POLA1: variants seen among roughly 807,000 people sequenced by gnomAD.
The protein encoded by POLA1 is DNA polymerase alpha catalytic subunit.
In POLA1, 15 loss-of-function variants were observed where a neutral mutation model predicts 124.0. That is an observed-to-expected ratio of 0.12 (90% CI 0.08 to 0.19). The LOEUF (loss-of-function observed/expected upper bound fraction) is 0.19, where lower values mean the gene tolerates loss of function less well. Ranked by LOEUF, POLA1 falls within the 10% of genes least tolerant of loss-of-function variation. POLA1 has a pLI of 1.00. For missense variants in POLA1, 886 were observed against 1,103.4 expected, an observed-to-expected ratio of 0.80 and a Z score of 2.79; for synonymous variants, 408 against 389.4, an observed-to-expected ratio of 1.05 and a Z score of -0.56.
intron 35 of POLA1, among the ~76,000 whole-genome samples, chrX:24,892,608 A>G (rs749273843): frequency 8.9e-6 from 1 of 111,913 alleles, no homozygotes; most frequent in Admixed American, 9.5e-5. Flanking sequence ...CCAAAAATAA[A>G]GCTTTCTGGT....
chrX:24,829,779 G>A (rs976175655), intron 32 of POLA1, among the ~76,000 whole-genome samples: 1 of 112,210 alleles, frequency 8.9e-6, no homozygotes, highest in African/African-American at 3.2e-5. Context: ...GGCAAAGTAA[G>A]AGAAGTGTTA....
chrX:24,717,595 G>A lies in POLA1; in HGVS notation c.924G>A (p.Pro308=), dbSNP rs748310287. 12 of 1,207,210 alleles carry A rather than the reference G, an allele frequency of 9.9e-6. No individual in the cohort carries two copies. Among genetic ancestry groups the A allele is most frequent in the Admixed American group, 2.2e-5 (1 of 45,590 alleles). ...ATTTCTGCAGAGGAAGTTTTCTCCC[G>A]GATGTCTCTTGTTGGGACATTGATC... ...GTVSYLGSFL[P]DVSCWDIDQE... is the part of the protein sequence containing the mutation. Residue 308 remains proline (P), a synonymous_variant, in exon 10 of 37, where the codon CCG becomes CCA. Coordinates refer to ENST00000379068, the MANE Select transcript of POLA1 (RefSeq NM_001330360.2).
chrX:24,973,129 G>A (rs2048323252), intron 36 of POLA1, among the ~76,000 whole-genome samples: 2 of 111,907 alleles, frequency 1.8e-5, no homozygotes, highest in South Asian at 7.5e-4. Context: ...GCCAAGGCTT[G>A]CAGATTGCCT....
intron 35 of POLA1, among the ~76,000 whole-genome samples, chrX:24,917,429 T>C (rs1463786332): frequency 8.9e-6 from 1 of 112,421 alleles, no homozygotes; most frequent in Non-Finnish European, 1.9e-5. Context: ...TAATACCCTT[T>C]CTTTTATTAC....
chrX:24,873,152 G>A (rs2046888272), intron 34 of POLA1, among the ~76,000 whole-genome samples: 1 of 111,593 alleles, frequency 9.0e-6, no homozygotes, highest in South Asian at 3.8e-4. Flanking sequence ...CCTACAGAGT[G>A]CTTTCACTGC....
Position 24,946,997 on chromosome X carries a change from G to A in POLA1, c.4261+16448G>A, listed in dbSNP as rs181361077. ...TCCCACCTTAATCTGTCTACTTTCTGACAATTACTAATAGAGTTGGGCTGT... is the reference window on the plus strand; with the variant it reads ...TCCCACCTTAATCTGTCTACTTTCTAACAATTACTAATAGAGTTGGGCTGT... On this transcript the variant is annotated intron_variant, in intron 36 of 36. Transcript: ENST00000379068. 1.6e-4 allele frequency among the ~76,000 whole-genome samples: 18 copies of A among 111,041 alleles called. No homozygotes were observed. The Admixed American group carries it at 1.7e-3, about 11-fold the overall frequency.
chrX:24,875,835 G>A (rs1191399250), intron 34 of POLA1, among the ~76,000 whole-genome samples: 2 of 111,496 alleles, frequency 1.8e-5, no homozygotes, highest in African/African-American at 3.3e-5. Flanking sequence ...TCGAGATCTC[G>A]GCAGTATAAC....
intron 36 of POLA1, among the ~76,000 whole-genome samples, chrX:24,984,774 C>T (rs2048462073): frequency 9.3e-6 from 1 of 107,513 alleles, no homozygotes; most frequent in Non-Finnish European, 1.9e-5. Context: ...ATTCTCCTGC[C>T]TCAGCCTCCC....
chrX:24,887,204 G>A (rs1165869307), intron 34 of POLA1, among the ~76,000 whole-genome samples: 1 of 112,296 alleles, frequency 8.9e-6, no homozygotes, highest in Non-Finnish European at 1.9e-5. Context: ...ACATAAGACT[G>A]ATTTAAGGTC....
intron 36 of POLA1, among the ~76,000 whole-genome samples, chrX:24,937,425 C>G (rs966437978): frequency 9.0e-6 from 1 of 110,966 alleles, no homozygotes; most frequent in Non-Finnish European, 1.9e-5. Flanking sequence ...TATATATTTT[C>G]TACATTATGT....
intron 1 of POLA1, among the ~76,000 whole-genome samples, chrX:24,695,077 T>A (rs1166754191): frequency 8.9e-6 from 1 of 111,858 alleles, no homozygotes; most frequent in African/African-American, 3.3e-5. Flanking sequence ...GGAAATCACT[T>A]TGGAGGATAC....
chrX:24,729,461 C>T (rs1017985580), intron 15 of POLA1, among the ~76,000 whole-genome samples: 4 of 111,795 alleles, frequency 3.6e-5, no homozygotes, highest in African/African-American at 6.5e-5. Context: ...CATTAGAAGT[C>T]GTAAAATGGT....
chrX:24,952,084 C>T (rs1263809847), intron 36 of POLA1, among the ~76,000 whole-genome samples: 2 of 111,638 alleles, frequency 1.8e-5, no homozygotes, highest in African/African-American at 6.5e-5. Context: ...TGGTTTGTAC[C>T]ATATAAAATT....
chrX:24,977,733 G>C (rs1261496622), intron 36 of POLA1, among the ~76,000 whole-genome samples: 1 of 111,971 alleles, frequency 8.9e-6, no homozygotes, highest in Non-Finnish European at 1.9e-5. Context: ...TCAATAACTT[G>C]AGATCTCTTC....
intron 35 of POLA1, among the ~76,000 whole-genome samples, chrX:24,897,648 T>C (rs2047225165): frequency 8.9e-6 from 1 of 112,175 alleles, no homozygotes; most frequent in Admixed American, 9.4e-5. Context: ...TCTTGGCCCC[T>C]CTACCTAGAC....
chrX:24,803,877 C>G (rs1390042995), intron 26 of POLA1, among the ~76,000 whole-genome samples: 2 of 85,203 alleles, frequency 2.3e-5, no homozygotes, highest in East Asian at 4.3e-4. Context: ...TCCCAAATCA[C>G]TTAGCTGGTA....
At chrX:24,885,562 T>G (rs2047053351) in intron 34 of POLA1, among the ~76,000 whole-genome samples, 1 of 109,849 alleles carries the variant, frequency 9.1e-6, no homozygotes, top group Non-Finnish European at 1.9e-5. Context: ...TGAGATGGAG[T>G]CTTGTTGTGT....
chrX:24,836,593 T>C (rs1035801398), intron 32 of POLA1, among the ~76,000 whole-genome samples: 6 of 112,157 alleles, frequency 5.3e-5, no homozygotes, highest in African/African-American at 1.9e-4. Flanking sequence ...TGATGACTAA[T>C]GAAGTTGAAC....
At position 24,949,765 on chromosome X, in the gene POLA1, C is replaced by T. The variant is rs370960835; in HGVS notation, c.4261+19216C>T. 1.4e-4 allele frequency among the ~76,000 whole-genome samples: 14 copies of T among 101,855 alleles called. No individual in the cohort carries two copies. In the South Asian group the frequency reaches 2.8e-3, roughly 20 times the overall value. The allele number at this position is 101,855 out of a possible 115,157, so 88.4% of individuals were successfully genotyped here. On this transcript the variant is annotated intron_variant, in intron 36 of 36. Coordinates refer to ENST00000379068, the MANE Select transcript of POLA1 (RefSeq NM_001330360.2). ...CTTTTTTTTTTTTAAGACAGAGTCT[C>T]GCTCTTTTGCCTAAGCTGGAGTGCA...
Sources: allele counts gnomAD v4.1 joint callset (sites outside exome capture counted in the v4.1 genomes callset), GRCh38; gene constraint gnomAD v4.1.1; transcripts MANE v1.5; gene names NCBI Gene and HGNC (gene_info 2026-07-23, HGNC 2026-07-21).